Variants in DGUOK observed in about 807,000 individuals in gnomAD.
DGUOK encodes the protein deoxyguanosine kinase.
DGUOK carries 30 observed loss-of-function variants against 36.6 expected under a neutral mutation model. The ratio of observed to expected loss-of-function variants is 0.82; its 90% confidence interval spans 0.61 to 1.11. The LOEUF (loss-of-function observed/expected upper bound fraction) is 1.11. DGUOK is among the 50% of genes most tolerant of loss of function. The probability of loss-of-function intolerance (pLI) is 0.00; values close to 1 mark genes in which losing one functional copy is unlikely to be tolerated. For synonymous variants in DGUOK, 145 were observed against 126.3 expected (o/e 1.15, Z -0.99); for missense variants, 361 against 336.4 (o/e 1.07, Z -0.57).
chr2:73,946,863 A>C lies in DGUOK; in HGVS notation c.400A>C (p.Arg134=). The part of the protein sequence containing the change: ...EPFPEKLLQA[R]KPVQIFERSV... Reference sequence around the variant, plus strand: ...CTTCCCTGAGAAACTCTTACAGGCCAGGAAGCCAGTACAGATCTTTGAGAG... The same window carrying C: ...CTTCCCTGAGAAACTCTTACAGGCCCGGAAGCCAGTACAGATCTTTGAGAG... Residue 134 remains arginine (R), a synonymous_variant, in exon 3 of 7, where the codon AGG becomes CGG. Transcript: ENST00000264093. 1 of 1,613,780 alleles carries C rather than the reference A, an allele frequency of 6.2e-7. No individual in the cohort carries two copies. The highest frequency in any genetic ancestry group is 8.5e-7 in the Non-Finnish European group (1 of 1,179,980).
intron 1 of DGUOK, among the ~76,000 whole-genome samples, chr2:73,928,835 A>C (rs772438482): frequency 6.6e-6 from 1 of 152,238 alleles, no homozygotes; most frequent in Non-Finnish European, 1.5e-5. Context: ...TAATTATAGT[A>C]TTGTGAAAAG....
At chr2:73,927,147 T>TG in intron 1 of DGUOK, 95 bp downstream of exon 1, 1 of 1,537,232 alleles carries the variant, frequency 6.5e-7, no homozygotes, top group Admixed American at 1.8e-5. Context: ...CTGCGTCTGA[T>TG]GCGGCCGGCC....
intron 2 of DGUOK, among the ~76,000 whole-genome samples, chr2:73,945,508 C>T (rs1394056958): frequency 6.6e-6 from 1 of 152,190 alleles, no homozygotes; most frequent in Admixed American, 6.5e-5. Flanking sequence ...ATTTTCCCCT[C>T]TGGAAAATGG....
intron 1 of DGUOK, among the ~76,000 whole-genome samples, chr2:73,928,183 A>G (rs1680749121): frequency 6.6e-6 from 1 of 152,216 alleles, no homozygotes; most frequent in Admixed American, 6.5e-5. Context: ...GCTGGAGTGC[A>G]ATGACACGAT....
intron 1 of DGUOK, 70 bp downstream of exon 1, chr2:73,927,122 T>G: frequency 1.3e-6 from 2 of 1,595,558 alleles, no homozygotes; most frequent in South Asian, 2.2e-5. Flanking sequence ...GGAAAGGAGC[T>G]GGGCCCGGAA....
intron 3 of DGUOK, among the ~76,000 whole-genome samples, chr2:73,949,144 G>T (rs1408799663): frequency 6.6e-6 from 1 of 152,170 alleles, no homozygotes; most frequent in East Asian, 1.9e-4. Context: ...TAGAAACGGG[G>T]TTTCACCATG....
intron 1 of DGUOK, among the ~76,000 whole-genome samples, chr2:73,933,117 C>G (rs962476232): frequency 2.6e-5 from 4 of 152,116 alleles, no homozygotes; most frequent in African/African-American, 9.7e-5. Flanking sequence ...AGAGGGCTTC[C>G]CTAATAACAT....
chr2:73,955,831 G>A (rs1049047565), intron 4 of DGUOK, among the ~76,000 whole-genome samples: 2 of 151,990 alleles, frequency 1.3e-5, no homozygotes, highest in Non-Finnish European at 2.9e-5. Flanking sequence ...CTGAGATCGC[G>A]CCACTGCACT....
intron 3 of DGUOK, among the ~76,000 whole-genome samples, chr2:73,947,290 C>A (rs1331397060): frequency 2.0e-5 from 3 of 152,018 alleles, no homozygotes; most frequent in African/African-American, 2.4e-5. Context: ...GGTTGATTAT[C>A]CCCTTTAAGA....
intron 2 of DGUOK, among the ~76,000 whole-genome samples, chr2:73,941,589 G>A (rs1681906795): frequency 6.6e-6 from 1 of 152,080 alleles, no homozygotes; most frequent in Non-Finnish European, 1.5e-5. Flanking sequence ...CTTTCACAGT[G>A]ATATCATTTT....
At chr2:73,932,042 C>A (rs545204610) in intron 1 of DGUOK, among the ~76,000 whole-genome samples, 1 of 152,166 alleles carries the variant, frequency 6.6e-6, no homozygotes, top group African/African-American at 2.4e-5. Flanking sequence ...GCCTGTGAGA[C>A]ATAGAGGTGT....
chr2:73,946,986 T>C (rs139220446), intron 3 of DGUOK, 80 bp downstream of exon 3: 2 of 1,229,140 alleles, frequency 1.6e-6, no homozygotes, highest in South Asian at 1.3e-5. Context: ...CCTGCACTGC[T>C]ATGGTCACTG....
chr2:73,930,682 C>T (rs1680935854), intron 1 of DGUOK, among the ~76,000 whole-genome samples: 1 of 151,934 alleles, frequency 6.6e-6, no homozygotes, highest in South Asian at 2.1e-4. Flanking sequence ...TAAGAGTCCA[C>T]TCTCATGCTG....
intron 4 of DGUOK, among the ~76,000 whole-genome samples, chr2:73,953,925 G>A (rs1240396066): frequency 1.3e-5 from 2 of 151,902 alleles, no homozygotes; most frequent in Non-Finnish European, 2.9e-5. Flanking sequence ...GTTTCACCAT[G>A]TTAGCCAGGA....
intron 4 of DGUOK, among the ~76,000 whole-genome samples, chr2:73,955,022 C>T (rs1321628239): frequency 2.0e-5 from 3 of 152,122 alleles, no homozygotes; most frequent in East Asian, 1.9e-4. Context: ...GAGTTTACTT[C>T]GACCTCTTTT....
At chr2:73,934,942 A>C (rs898724154) in intron 1 of DGUOK, among the ~76,000 whole-genome samples, 1 of 151,810 alleles carries the variant, frequency 6.6e-6, no homozygotes, top group Admixed American at 6.6e-5. Flanking sequence ...GCGTGGTGGC[A>C]CACACCTGTA....
intron 2 of DGUOK, among the ~76,000 whole-genome samples, chr2:73,939,814 A>G (rs1377227283): frequency 2.6e-5 from 4 of 151,562 alleles, no homozygotes; most frequent in East Asian, 1.9e-4. Flanking sequence ...TTCAAGTTCT[A>G]CCTCTTAAGT....
intron 4 of DGUOK, among the ~76,000 whole-genome samples, chr2:73,956,758 C>T (rs1683125633): frequency 6.6e-6 from 1 of 152,130 alleles, no homozygotes; most frequent in African/African-American, 2.4e-5. Flanking sequence ...CCGACCAGGG[C>T]AGAGGTGAGA....
chr2:73,946,428 C>G (rs1448653951), intron 2 of DGUOK, among the ~76,000 whole-genome samples: 4 of 152,154 alleles, frequency 2.6e-5, no homozygotes, highest in Admixed American at 1.3e-4. Flanking sequence ...AATCAGTGAT[C>G]GTGTTAATTC....
Sources: allele counts gnomAD v4.1 joint callset (sites outside exome capture counted in the v4.1 genomes callset), GRCh38; gene constraint gnomAD v4.1.1; transcripts MANE v1.5; gene names NCBI Gene and HGNC (gene_info 2026-07-23, HGNC 2026-07-21).